Variants in PLEKHD1 observed in about 807,000 individuals in gnomAD.
PLEKHD1 encodes pleckstrin homology and coiled-coil domain containing D1.
A neutral mutation model predicts 69.2 loss-of-function variants in PLEKHD1; 51 were observed. The ratio of observed to expected loss-of-function variants is 0.74; its 90% confidence interval spans 0.59 to 0.93. The LOEUF (loss-of-function observed/expected upper bound fraction) is 0.93, where lower values mean the gene tolerates loss of function less well. Among genes scored for constraint, PLEKHD1 ranks in the 40% least tolerant of loss-of-function variants. The probability of loss-of-function intolerance (pLI) is 0.00; values close to 1 mark genes in which losing one functional copy is unlikely to be tolerated. For synonymous variants in PLEKHD1, 236 were observed against 244.7 expected (o/e 0.96, Z 0.33); for missense variants, 584 against 641.0 (o/e 0.91, Z 0.96).
At chr14:69,526,634 C>A in intron 9 of PLEKHD1, 63 bp from the exon 10 acceptor site, 1 of 1,433,242 alleles carries the variant, frequency 7.0e-7, no homozygotes, top group Non-Finnish European at 9.2e-7. Context: ...GAGGAGCTGT[C>A]CATCCATTGG....
At chr14:69,524,412 G>T in intron 8 of PLEKHD1, 90 bp downstream of exon 8, 1 of 1,119,630 alleles carries the variant, frequency 8.9e-7, no homozygotes, top group Non-Finnish European at 1.3e-6. Context: ...GTTTCCCCAG[G>T]GGGTGATCTG....
upstream of PLEKHD1, among the ~76,000 whole-genome samples, chr14:69,483,637 G>C (rs1222423311): frequency 6.6e-6 from 1 of 152,220 alleles, no homozygotes; most frequent in African/African-American, 2.4e-5. Context: ...AAAAACTTGG[G>C]GCAAATTCAT....
At chr14:69,506,890 G>GATTTTTTTTTTTTTT (rs1883162235) in intron 6 of PLEKHD1, among the ~76,000 whole-genome samples, 1 of 86,648 alleles carries the variant, frequency 1.2e-5, no homozygotes, top group East Asian at 3.1e-4. Flanking sequence ...CCTGGCAACT[G>GATTTTTTTTTTTTTT]CTTTTTTTTT....
rs7155876 is a variant in PLEKHD1 at position 69,524,344 on chromosome 14, A to T, written c.744+22A>T. ...GGAGGTGAGGGGCTGCTGGTGGGTT[A>T]GTTGACCAGGTGGCAGGCTGGTTGG... On this transcript the variant is annotated intron_variant, in intron 8 of 12. Transcript: ENST00000322564. 1.9e-3 allele frequency: 2,994 copies of T among 1,544,800 alleles called. 36 individuals carry two copies. The African/African-American group carries it at 0.036, about 19-fold the overall frequency.
chr14:69,502,151 AG>A (rs1263442831), intron 5 of PLEKHD1: 1 of 219,412 alleles, frequency 4.6e-6, no homozygotes, highest in Non-Finnish European at 9.1e-6. Context: ...AGTTAAAAAT[AG>A]TCTCTAGCTT....
Position 69,489,214 on chromosome 14 carries a change from C to A in PLEKHD1, c.149+4100C>A, listed in dbSNP as rs529312244. ...TGCAGAGAGTTCAGCTTCCTTGTAC[C>A]CAAGACTTAAAAATAACAAAGTAAT... On this transcript the variant is annotated intron_variant, in intron 1 of 12. Coordinates refer to ENST00000322564, the MANE Select transcript of PLEKHD1 (RefSeq NM_001161498.2). Among the ~76,000 whole-genome samples, 6 of 152,202 alleles carry A rather than the reference C, an allele frequency of 3.9e-5. No individual in the cohort carries two copies. In the South Asian group the frequency reaches 1.2e-3, roughly 32 times the overall value.
intron 1 of PLEKHD1, among the ~76,000 whole-genome samples, chr14:69,493,895 G>C (rs533682247): frequency 6.6e-6 from 1 of 152,338 alleles, no homozygotes; most frequent in Non-Finnish European, 1.5e-5. Flanking sequence ...GCTTCTCCCA[G>C]GATTGATGTT....
chr14:69,522,506 T>A, intron 7 of PLEKHD1, 129 bp downstream of exon 7: 1 of 994,252 alleles, frequency 1.0e-6, no homozygotes. Context: ...CTTGGGTCTA[T>A]CCCAGTTTGA....
At chr14:69,517,368 G>A (rs1186420157) in intron 6 of PLEKHD1, among the ~76,000 whole-genome samples, 4 of 152,092 alleles carry the variant, frequency 2.6e-5, no homozygotes, top group Non-Finnish European at 5.9e-5. Context: ...GAGATGTGAA[G>A]CCAACAGTTG....
chr14:69,470,451 CAA>C, the PLEKHD1 span, among the ~76,000 whole-genome samples: 21 of 120,660 alleles, frequency 1.7e-4, no homozygotes, highest in South Asian at 2.6e-4. Context: ...TGACAGAGAT[CAA>C]AAAAAAAAAA....
chr14:69,529,051 C>G lies in PLEKHD1; in HGVS notation c.*632C>G, dbSNP rs559840310. On this transcript the variant is annotated 3_prime_UTR_variant, in exon 13 of 13. Coordinates refer to ENST00000322564, the MANE Select transcript of PLEKHD1 (RefSeq NM_001161498.2). Reference sequence around the variant, plus strand: ...ACATACCACACACCCGCCACAGTGCCGCTTTTCCTGAGCTCAGGCCCTGGC... The same window carrying G: ...ACATACCACACACCCGCCACAGTGCGGCTTTTCCTGAGCTCAGGCCCTGGC... The G allele has an allele frequency of 6.5e-6, 1 of 152,936 alleles. No individual in the cohort carries two copies. The allele number at this position is 152,936 out of a possible 1,614,324, so 9.5% of individuals were successfully genotyped here.
chr14:69,475,433 G>A, the PLEKHD1 span, among the ~76,000 whole-genome samples: 2 of 152,200 alleles, frequency 1.3e-5, no homozygotes, highest in African/African-American at 2.4e-5. Flanking sequence ...AGAGTAGCTG[G>A]CAGGCTGACA....
At chr14:69,477,682 G>T in the PLEKHD1 span, among the ~76,000 whole-genome samples, 3 of 152,354 alleles carry the variant, frequency 2.0e-5, no homozygotes, top group African/African-American at 4.8e-5. Flanking sequence ...CTGAAATCCA[G>T]CAGGGCAGTC....
the PLEKHD1 span, among the ~76,000 whole-genome samples, chr14:69,477,383 A>T: frequency 6.6e-6 from 1 of 152,142 alleles, no homozygotes; most frequent in African/African-American, 2.4e-5. Flanking sequence ...CAGCCAAACC[A>T]TATCATTCTG....
upstream of PLEKHD1, among the ~76,000 whole-genome samples, chr14:69,480,685 T>C (rs1278810556): frequency 1.3e-5 from 2 of 152,138 alleles, no homozygotes; most frequent in African/African-American, 2.4e-5. Context: ...AGAGTCTTGC[T>C]CTTGTCTCCC....
intron 1 of PLEKHD1, among the ~76,000 whole-genome samples, chr14:69,494,789 C>CTGG (rs780335866): frequency 1.1e-4 from 16 of 152,208 alleles, no homozygotes; most frequent in Non-Finnish European, 2.2e-4. Flanking sequence ...GTGCAGGGCA[C>CTGG]TGGTGTTCTG....
At position 69,485,118 on chromosome 14, in the gene PLEKHD1, A is replaced by G; in HGVS notation, c.149+4A>G. On this transcript the variant is annotated splice_donor_region_variant and intron_variant, in intron 1 of 12. Coordinates refer to ENST00000322564, the MANE Select transcript of PLEKHD1 (RefSeq NM_001161498.2). ...CGTCGGCCAAGTGGTCCCGGCGGTGAGTGCGCCCCCGCGCCCCAAGGAGAC... is the reference window on the plus strand; with the variant it reads ...CGTCGGCCAAGTGGTCCCGGCGGTGGGTGCGCCCCCGCGCCCCAAGGAGAC... The G allele has an allele frequency of 6.5e-7, 1 of 1,548,552 alleles. No homozygotes were observed. The highest frequency in any genetic ancestry group is 8.7e-7 in the Non-Finnish European group (1 of 1,145,688).
At position 69,524,445 on chromosome 14, in the gene PLEKHD1, G is replaced by T. The variant is rs1883594196; in HGVS notation, c.744+123G>T. The stretch of plus-strand genomic sequence containing the variant: ...CTGTAAGAGAAATGGGCATGGAGGG[G>T]TGCTGATCTAAAGGGTCTCTTCTCT... On this transcript the variant is annotated intron_variant, in intron 8 of 12. Transcript: ENST00000322564. 3.7e-6 allele frequency: 3 copies of T among 817,322 alleles called. No homozygotes were observed. The South Asian group carries it at 4.9e-5, about 13-fold the overall frequency. The allele number at this position is 817,322 out of a possible 1,614,324, so 50.6% of individuals were successfully genotyped here.
chr14:69,500,897 G>A lies in PLEKHD1; in HGVS notation c.360G>A (p.Ser120=), dbSNP rs374305748. 58 of 1,551,552 alleles carry A rather than the reference G, an allele frequency of 3.7e-5. No homozygotes were observed. The highest frequency in any genetic ancestry group is 1.1e-4 in the South Asian group (9 of 84,062). Residue 120 remains serine (S), a synonymous_variant, in exon 4 of 13, where the codon TCG becomes TCA. Coordinates refer to ENST00000322564, the MANE Select transcript of PLEKHD1 (RefSeq NM_001161498.2). ...FHGNILLAAE[S]EFEQTQWLEM... ...GGAACATCTTGCTTGCTGCTGAGTC[G>A]GAGTTTGAGCAGACCCAGTGGCTGG... is the stretch of plus-strand genomic sequence containing the variant.
Sources: gnomAD v4.1 joint callset for allele counts (sites outside exome capture counted in the v4.1 genomes callset) on GRCh38, gnomAD v4.1.1 for gene constraint, MANE v1.5 for transcripts, NCBI Gene and HGNC (gene_info 2026-07-23, HGNC 2026-07-21) for gene names.